The following SSBP2 variants were observed in gnomAD, a reference collection of about 807,000 sequenced individuals.
SSBP2 encodes the protein single-stranded DNA-binding protein 2.
Under a neutral mutation model 61.8 loss-of-function variants are expected in SSBP2, and 17 were observed. The ratio of observed to expected loss-of-function variants is 0.28; its 90% CI spans 0.19 to 0.41. The LOEUF (loss-of-function observed/expected upper bound fraction) is 0.41, where lower values mean the gene tolerates loss of function less well. SSBP2 is among the 10% of genes least tolerant of loss of function. The pLI is 1.00. For missense variants in SSBP2, 310 were observed against 458.7 expected (o/e 0.68, Z 2.96); for synonymous variants, 139 against 141.3 (o/e 0.98, Z 0.12).
At chr5:81,633,146 C>T (rs1237986568) in intron 3 of SSBP2, among the ~76,000 whole-genome samples, 1 of 117,934 alleles carries the variant, frequency 8.5e-6, no homozygotes, top group African/African-American at 3.2e-5. Context: ...GAGAGAGTCT[C>T]ACTCTGTCAC....
At chr5:81,547,096 C>G (rs2154124679) in intron 4 of SSBP2, among the ~76,000 whole-genome samples, 1 of 120,546 alleles carries the variant, frequency 8.3e-6, no homozygotes, top group South Asian at 2.6e-4. Flanking sequence ...AAATCCAGAA[C>G]ACTAACACCA....
intron 3 of SSBP2, among the ~76,000 whole-genome samples, chr5:81,624,953 A>G (rs991838734): frequency 3.9e-5 from 6 of 152,154 alleles, no homozygotes. Flanking sequence ...CCATGGCACA[A>G]ATGTGACTAT....
chr5:81,473,816 T>C (rs768523554), intron 7 of SSBP2, 46 bp from the exon 8 acceptor site: 2 of 1,552,492 alleles, frequency 1.3e-6, no homozygotes, highest in Non-Finnish European at 1.8e-6. Context: ...GCATGAGTAC[T>C]AAACCAGAGG....
chr5:81,592,747 C>A (rs1743207565), intron 4 of SSBP2, among the ~76,000 whole-genome samples: 1 of 152,166 alleles, frequency 6.6e-6, no homozygotes, highest in Admixed American at 6.5e-5. Context: ...GAGTGGACCT[C>A]TAGAAAACTC....
intron 4 of SSBP2, among the ~76,000 whole-genome samples, chr5:81,572,633 G>C (rs1391368139): frequency 6.6e-6 from 1 of 152,130 alleles, no homozygotes; most frequent in Non-Finnish European, 1.5e-5. Context: ...GGTTATAAAA[G>C]AGGTATATAG....
chr5:81,612,568 A>C (rs1296873567), intron 4 of SSBP2, among the ~76,000 whole-genome samples: 1 of 152,102 alleles, frequency 6.6e-6, no homozygotes, highest in African/African-American at 2.4e-5. Context: ...TTACCTCATT[A>C]TGCCTCCAGT....
chr5:81,689,804 A>C (rs1753075742), intron 1 of SSBP2, among the ~76,000 whole-genome samples: 2 of 152,126 alleles, frequency 1.3e-5, no homozygotes, highest in African/African-American at 4.8e-5. Context: ...AAAACATAGA[A>C]TATTGTGACA....
intron 4 of SSBP2, among the ~76,000 whole-genome samples, chr5:81,542,912 T>C (rs1274459579): frequency 6.6e-6 from 1 of 151,472 alleles, no homozygotes; most frequent in African/African-American, 2.4e-5. Flanking sequence ...TGGAGTGCAC[T>C]GGCACAATCT....
chr5:81,452,363 G>A (rs935487351), intron 10 of SSBP2, among the ~76,000 whole-genome samples: 2 of 152,150 alleles, frequency 1.3e-5, no homozygotes, highest in Non-Finnish European at 2.9e-5. Context: ...TTGGCCTCAA[G>A]CTATCCTCCT....
intron 1 of SSBP2, among the ~76,000 whole-genome samples, chr5:81,651,292 T>C (rs917599111): frequency 9.9e-5 from 15 of 152,134 alleles, no homozygotes; most frequent in Non-Finnish European, 1.6e-4. Flanking sequence ...GTTGTACCAC[T>C]TCTCTTGCCA....
chr5:81,609,526 G>A (rs1333139323), intron 4 of SSBP2, among the ~76,000 whole-genome samples: 1 of 152,072 alleles, frequency 6.6e-6, no homozygotes, highest in Non-Finnish European at 1.5e-5. Flanking sequence ...ATAAATCTTT[G>A]CACCTCCCAT....
intron 4 of SSBP2, among the ~76,000 whole-genome samples, chr5:81,576,874 G>T (rs1302608043): frequency 2.0e-5 from 3 of 151,916 alleles, no homozygotes; most frequent in Non-Finnish European, 4.4e-5. Flanking sequence ...TAAAATAATT[G>T]CATTCAAAAA....
intron 1 of SSBP2, among the ~76,000 whole-genome samples, chr5:81,664,434 C>T (rs996088870): frequency 6.6e-6 from 1 of 151,866 alleles, no homozygotes; most frequent in African/African-American, 2.4e-5. Flanking sequence ...CCTTTTTGGT[C>T]TTGTTAATCT....
chr5:81,595,026 A>T (rs934400646), intron 4 of SSBP2, among the ~76,000 whole-genome samples: 90 of 152,260 alleles, frequency 5.9e-4, no homozygotes, highest in Non-Finnish European at 1.1e-3. Context: ...GACACAAAAA[A>T]CCCTTCAAAA....
intron 4 of SSBP2, among the ~76,000 whole-genome samples, chr5:81,565,331 T>C (rs1368386332): frequency 6.6e-6 from 1 of 152,156 alleles, no homozygotes; most frequent in Non-Finnish European, 1.5e-5. Context: ...TTTAAAAACA[T>C]AATTTTAAAC....
At chr5:81,576,811 T>C (rs1165769893) in intron 4 of SSBP2, among the ~76,000 whole-genome samples, 2 of 152,080 alleles carry the variant, frequency 1.3e-5, no homozygotes, top group African/African-American at 4.8e-5. Flanking sequence ...AAGTGCAAAC[T>C]AAAGGGCAGA....
rs1480563141 is a variant in SSBP2 at position 81,467,085 on chromosome 5, C to A, written c.571-44G>T. On this transcript the variant is annotated intron_variant, in intron 8 of 16. Transcript: ENST00000320672. ...GTCAGACTACCACAAAACAAAAAAA[C>A]AAAACCAAAGAGGAGGGGGGAAAGA... 6.4e-7 allele frequency: 1 copy of A among 1,557,942 alleles called. No individual in the cohort carries two copies.
intron 3 of SSBP2, among the ~76,000 whole-genome samples, chr5:81,636,117 C>A (rs1196234778): frequency 2.0e-5 from 3 of 152,090 alleles, no homozygotes; most frequent in African/African-American, 2.4e-5. Context: ...AGCAAAGACA[C>A]AAACAGCTTG....
chr5:81,451,519 T>C (rs1763771011), intron 10 of SSBP2, among the ~76,000 whole-genome samples: 1 of 152,134 alleles, frequency 6.6e-6, no homozygotes, highest in South Asian at 2.1e-4. Context: ...CTCTGCCTCC[T>C]GGGTTCAAGC....
Sources: gnomAD v4.1 joint callset for allele counts (sites outside exome capture counted in the v4.1 genomes callset) on GRCh38, gnomAD v4.1.1 for gene constraint, MANE v1.5 for transcripts, NCBI Gene and HGNC (gene_info 2026-07-23, HGNC 2026-07-21) for gene names.